Variants in HMCN1 observed in about 807,000 individuals in gnomAD.
HMCN1 encodes the protein hemicentin 1.
In HMCN1, 321 loss-of-function variants were observed where a neutral mutation model predicts 625.9. The observed-to-expected ratio is 0.51, with a 90% CI of 0.47 to 0.56. HMCN1 has a LOEUF of 0.56. HMCN1 is among the 20% of genes least tolerant of loss of function. The pLI, the probability that HMCN1 is intolerant of heterozygous loss-of-function variation, is 0.00. For synonymous variants in HMCN1, 2,425 were observed against 2,417.6 expected (o/e 1.00, Z -0.09); for missense variants, 6,588 against 6,887.3 (o/e 0.96, Z 1.54).
chr1:186,034,655 T>C (rs1241005287), intron 36 of HMCN1, among the ~76,000 whole-genome samples: 11 of 152,174 alleles, frequency 7.2e-5, no homozygotes, highest in Admixed American at 5.9e-4. Flanking sequence ...ATTGGACTAT[T>C]TGTTTTCAAG....
In HMCN1 at chr1:186,095,259, C is replaced by G. The variant is rs2102422391; in HGVS notation, c.10311C>G (p.Asp3437Glu). ...NLQVFAPPNM[D>E]NSMGTEEITV... ...TCTATGTAGCACCACCAAATATGGA[C>G]AATTCAATGGGGACAGAGGAAATCA... The change falls in exon 68 of 107, where the codon GAC becomes GAG. Residue 3437 changes from aspartate (D) to glutamate (E), a missense_variant. This residue lies in a region of HMCN1 where 4,628 missense variants were observed against 4,853.1 expected (regional missense o/e 0.95). Coordinates refer to ENST00000271588, the MANE Select transcript of HMCN1 (RefSeq NM_031935.3). 1 of 1,613,698 alleles carries G rather than the reference C, an allele frequency of 6.2e-7. No individual in the cohort carries two copies. The highest frequency in any genetic ancestry group is 8.5e-7 in the Non-Finnish European group (1 of 1,179,786).
intron 42 of HMCN1, among the ~76,000 whole-genome samples, chr1:186,052,144 G>A (rs1456849463): frequency 2.0e-5 from 3 of 149,062 alleles, no homozygotes; most frequent in Non-Finnish European, 4.5e-5. Context: ...ATGGTAAAAA[G>A]AGAGAGAGAG....
Position 185,909,435 on chromosome 1 carries a change from T to A in HMCN1, c.720T>A (p.Phe240Leu). ...EQAVNTWRIP[F>L]DPSLKEVTVS... Reference sequence around the variant, plus strand: ...CTGTAAATACTTGGAGAATTCCTTTTGATCCCAGCCTGAAAGAGGTCACTG... The same window carrying A: ...CTGTAAATACTTGGAGAATTCCTTTAGATCCCAGCCTGAAAGAGGTCACTG... The change falls in exon 5 of 107, where the codon TTT becomes TTA. Residue 240 changes from phenylalanine (F) to leucine (L), a missense_variant. Phe to Leu is a conservative substitution (Grantham distance 22, BLOSUM62 0). Coordinates refer to ENST00000271588, the MANE Select transcript of HMCN1 (RefSeq NM_031935.3). 1 of 1,613,738 alleles carries A rather than the reference T, an allele frequency of 6.2e-7. No individual in the cohort carries two copies. The highest frequency in any genetic ancestry group is 8.5e-7 in the Non-Finnish European group (1 of 1,179,728).
chr1:186,071,942 TAC>T (rs542394341), intron 52 of HMCN1, among the ~76,000 whole-genome samples: 141 of 152,300 alleles, frequency 9.3e-4, no homozygotes, highest in Admixed American at 3.0e-3. Context: ...CATGAACACA[TAC>T]ACACATTAAA....
chr1:185,820,038 G>A (rs1660089373), intron 1 of HMCN1, among the ~76,000 whole-genome samples: 1 of 152,154 alleles, frequency 6.6e-6, no homozygotes, highest in African/African-American at 2.4e-5. Flanking sequence ...AGTATGATAA[G>A]GGGGCAAAAG....
chr1:186,129,365 T>C (rs1255954385), intron 83 of HMCN1, among the ~76,000 whole-genome samples: 2 of 149,836 alleles, frequency 1.3e-5, no homozygotes, highest in Non-Finnish European at 3.0e-5. Flanking sequence ...ATAAATTTTA[T>C]AAATATTACT....
rs544326392 is a variant in HMCN1, at chr1:185,958,120, A to C, written c.1829-4398A>C. Among the ~76,000 whole-genome samples, 137 of 152,240 alleles carry C rather than the reference A, an allele frequency of 9.0e-4. 1 individual carries two copies. Among genetic ancestry groups the C allele is most frequent in the Admixed American group, 1.9e-3 (29 of 15,288 alleles). On this transcript the variant is annotated intron_variant, in intron 11 of 106. Transcript: ENST00000271588. ...TTTTTTGAGAAAGGGTCTTGTTCAC[A>C]CCCAAACTGGAGTGCAGTGATGCAA...
At chr1:186,158,574 A>C (rs1165494564) in intron 97 of HMCN1, among the ~76,000 whole-genome samples, 5 of 152,108 alleles carry the variant, frequency 3.3e-5, no homozygotes, top group African/African-American at 4.8e-5. Flanking sequence ...TTTAGGTCTA[A>C]CGTTTAAGTC....
intron 41 of HMCN1, among the ~76,000 whole-genome samples, chr1:186,048,239 T>C (rs74134301): frequency 0.029 from 4,449 of 152,154 alleles, 238 homozygotes; most frequent in African/African-American, 0.1. Flanking sequence ...TGAAAAATAT[T>C]TACTGATACT....
At chr1:185,786,004 A>G (rs1290537667) in intron 1 of HMCN1, among the ~76,000 whole-genome samples, 1 of 152,218 alleles carries the variant, frequency 6.6e-6, no homozygotes, top group African/African-American at 2.4e-5. Context: ...CTTATCAGCT[A>G]TCACTGGCAA....
chr1:185,978,572 A>T (rs1431813664), intron 16 of HMCN1, among the ~76,000 whole-genome samples: 2 of 152,196 alleles, frequency 1.3e-5, no homozygotes, highest in Admixed American at 6.5e-5. Context: ...CCAGAGGAGG[A>T]AAAGCATTTA....
chr1:185,877,868 T>C (rs1028874232), intron 4 of HMCN1, among the ~76,000 whole-genome samples: 1 of 152,086 alleles, frequency 6.6e-6, no homozygotes, highest in Non-Finnish European at 1.5e-5. Context: ...TAGTTTTTTT[T>C]CCTAATCCTC....
At position 186,095,228 on chromosome 1, in the gene HMCN1, T is replaced by A; in HGVS notation, c.10295-15T>A. ...AATAGACATCCAAATTTTGCCCATG[T>A]TGTTTTCTATGTAGCACCACCAAAT... On this transcript the variant is annotated splice_polypyrimidine_tract_variant and intron_variant, in intron 67 of 106. Coordinates refer to ENST00000271588, the MANE Select transcript of HMCN1 (RefSeq NM_031935.3). 1 of 1,613,560 alleles carries A rather than the reference T, an allele frequency of 6.2e-7. No individual in the cohort carries two copies. The highest frequency in any genetic ancestry group is 8.5e-7 in the Non-Finnish European group (1 of 1,179,664).
intron 93 of HMCN1, among the ~76,000 whole-genome samples, chr1:186,149,718 T>G (rs1650554232): frequency 6.6e-6 from 1 of 152,192 alleles, no homozygotes; most frequent in Admixed American, 6.5e-5. Context: ...TTCCAGCTTT[T>G]GATTTAAAGT....
At position 186,166,172 on chromosome 1, in the gene HMCN1, T is replaced by A; in HGVS notation, c.15320-12T>A. On this transcript the variant is annotated splice_polypyrimidine_tract_variant and intron_variant, in intron 98 of 106. Coordinates refer to ENST00000271588, the MANE Select transcript of HMCN1 (RefSeq NM_031935.3). Reference sequence around the variant, plus strand: ...TACATACTGATTTGGGCCTTTTTGTTTCTTCTTTAAGATGAGGATGAATGT... The same window carrying A: ...TACATACTGATTTGGGCCTTTTTGTATCTTCTTTAAGATGAGGATGAATGT... 1 of 1,613,994 alleles carries A rather than the reference T, an allele frequency of 6.2e-7. No homozygotes were observed. The highest frequency in any genetic ancestry group is 1.7e-4 in the Middle Eastern group (1 of 6,060).
rs752278242 is a variant in HMCN1, at chr1:186,048,771, G to T, written c.6509G>T (p.Gly2170Val). ...GAAGATGCTCAGGTTCAAGACACTG[G>T]TCGTTACACTTGTGAAGCAACAAAT... ...KIEDAQVQDTGRYTCEATNVA... is the reference protein window; with the variant it reads ...KIEDAQVQDTVRYTCEATNVA... Residue 2170 changes from glycine (G) to valine (V), a missense_variant, in exon 42 of 107, where the codon GGT becomes GTT. By Grantham distance (109) the Gly-to-Val change is moderately radical (BLOSUM62 -3). Transcript: ENST00000271588. 2.5e-6 allele frequency: 4 copies of T among 1,611,150 alleles called. No homozygotes were observed. Among genetic ancestry groups the T allele is most frequent in the Non-Finnish European group, 2.5e-6 (3 of 1,177,814 alleles).
intron 29 of HMCN1, among the ~76,000 whole-genome samples, chr1:186,006,509 A>C (rs1259164495): frequency 6.6e-6 from 1 of 152,132 alleles, no homozygotes; most frequent in African/African-American, 2.4e-5. Flanking sequence ...GACTCTGTAT[A>C]GTAGAAAAAG....
At chr1:185,800,568 C>T (rs1400986531) in intron 1 of HMCN1, among the ~76,000 whole-genome samples, 1 of 151,732 alleles carries the variant, frequency 6.6e-6, no homozygotes, top group South Asian at 2.1e-4. Flanking sequence ...TGATAAGCAC[C>T]TAATACATAG....
chr1:185,950,421 T>G (rs1189418484), intron 11 of HMCN1, among the ~76,000 whole-genome samples: 1 of 151,764 alleles, frequency 6.6e-6, no homozygotes, highest in African/African-American at 2.4e-5. Context: ...TAAGGTCAAG[T>G]TGTTTGGACA....
Sources: allele counts gnomAD v4.1 joint callset (sites outside exome capture counted in the v4.1 genomes callset), GRCh38; gene constraint gnomAD v4.1.1; regional missense constraint gnomAD v4.1.1; transcripts MANE v1.5; gene names NCBI Gene and HGNC (gene_info 2026-07-23, HGNC 2026-07-21).